Variants in BABAM2 observed in about 807,000 individuals in gnomAD.
The protein encoded by BABAM2 is BRISC and BRCA1 A complex member 2, also known as BRISC and BRCA1-A complex member 2.
Under a neutral mutation model 54.7 loss-of-function variants are expected in BABAM2, and 31 were observed. That is an observed-to-expected ratio of 0.57 (90% CI 0.43 to 0.77). BABAM2 has a LOEUF of 0.77. Ranked by LOEUF, BABAM2 falls within the 30% of genes least tolerant of loss-of-function variation. The pLI, the probability that BABAM2 is intolerant of heterozygous loss-of-function variation, is 0.00. For synonymous variants in BABAM2, 167 were observed against 162.9 expected (o/e 1.03, Z -0.19); for missense variants, 364 against 455.8 (o/e 0.80, Z 1.83).
At chr2:28,026,904 A>C (rs1675831703) in intron 5 of BABAM2, among the ~76,000 whole-genome samples, 1 of 53,184 alleles carries the variant, frequency 1.9e-5, no homozygotes. Flanking sequence ...ATAAATATAT[A>C]TAAATATATA....
chr2:28,328,470 G>A, intron 11 of BABAM2, among the ~76,000 whole-genome samples: 1 of 152,118 alleles, frequency 6.6e-6, no homozygotes, highest in Non-Finnish European at 1.5e-5. Flanking sequence ...CTGTGTCCCT[G>A]AACCACTTCT....
intron 2 of BABAM2, among the ~76,000 whole-genome samples, chr2:27,908,649 G>A (rs1284690889): frequency 6.6e-6 from 1 of 152,018 alleles, no homozygotes; most frequent in Non-Finnish European, 1.5e-5. Flanking sequence ...TTGTTCCCAT[G>A]TTTAGGTCCA....
chr2:28,194,651 G>A (rs7572598), intron 7 of BABAM2, among the ~76,000 whole-genome samples: 31,749 of 136,024 alleles, frequency 0.23, 3,638 homozygotes, highest in South Asian at 0.42. Flanking sequence ...GCACGATCTC[G>A]GCTCATTGCA....
Position 28,254,444 on chromosome 2 carries a change from ATTG to A in BABAM2, c.934+9588_934+9590del, listed in dbSNP as rs137877527. Among the ~76,000 whole-genome samples the A allele has an allele frequency of 9.1e-3, 1,383 of 151,604 alleles. 14 individuals carry two copies. Among genetic ancestry groups the A allele is most frequent in the African/African-American group, 0.032 (1,317 of 41,306 alleles). ...GAGCCGCCACGCCCATGCCCAGCCC[ATTG>A]TTGTTTTTTTTAACTGAATAAATCC... On this transcript the variant is annotated intron_variant, in intron 10 of 11. Coordinates refer to ENST00000379624, the MANE Select transcript of BABAM2 (RefSeq NM_199191.3).
intron 6 of BABAM2, among the ~76,000 whole-genome samples, chr2:28,055,482 C>G (rs1002692300): frequency 3.3e-5 from 5 of 152,226 alleles, no homozygotes; most frequent in South Asian, 4.2e-4. Flanking sequence ...TTAATTTTTC[C>G]TCTCTTCTGA....
intron 2 of BABAM2, among the ~76,000 whole-genome samples, chr2:27,925,120 C>T (rs1274883162): frequency 6.6e-6 from 1 of 152,098 alleles, no homozygotes; most frequent in Non-Finnish European, 1.5e-5. Context: ...ACTCTTCATA[C>T]CCCTGTCCCC....
At chr2:28,103,278 G>A (rs1667237051) in intron 6 of BABAM2, among the ~76,000 whole-genome samples, 1 of 148,434 alleles carries the variant, frequency 6.7e-6, no homozygotes, top group Non-Finnish European at 1.5e-5. Context: ...GCTGAGTTGA[G>A]AGAATTCATT....
At chr2:28,280,335 A>C (rs1386083039) in intron 10 of BABAM2, among the ~76,000 whole-genome samples, 2 of 152,084 alleles carry the variant, frequency 1.3e-5, no homozygotes, top group Non-Finnish European at 1.5e-5. Context: ...CTGGGATTAC[A>C]GGTGTGAGCC....
intron 6 of BABAM2, among the ~76,000 whole-genome samples, chr2:28,112,151 C>CCTCCT (rs1668133183): frequency 5.1e-5 from 1 of 19,606 alleles, no homozygotes; most frequent in Non-Finnish European, 8.8e-5. Flanking sequence ...CTTTCTTTAC[C>CCTCCT]TCCCTCCCTC....
chr2:28,336,189 G>A (rs946816907), intron 11 of BABAM2, among the ~76,000 whole-genome samples: 3 of 152,146 alleles, frequency 2.0e-5, no homozygotes, highest in Non-Finnish European at 2.9e-5. Context: ...CAGTGCCATC[G>A]AAAGATAAGA....
intron 10 of BABAM2, among the ~76,000 whole-genome samples, chr2:28,250,716 C>T (rs1683393617): frequency 6.6e-6 from 1 of 152,040 alleles, no homozygotes; most frequent in African/African-American, 2.4e-5. Context: ...TCTCCTGCCT[C>T]AGCCTCCTGA....
At chr2:28,026,843 A>ATATATATTTATATATATATAGAT (rs1675759919) in intron 5 of BABAM2, among the ~76,000 whole-genome samples, 1 of 40,650 alleles carries the variant, frequency 2.5e-5, no homozygotes, top group Non-Finnish European at 4.7e-5. Context: ...AATATATATA[A>ATATATATTTATATATATATAGAT]ATATATATTT....
chr2:28,087,987 AGTTTAATCT>A (rs1361578441), intron 6 of BABAM2, among the ~76,000 whole-genome samples: 42 of 152,118 alleles, frequency 2.8e-4, no homozygotes, highest in African/African-American at 9.4e-4. Context: ...TGCTTTCGGT[AGTTTAATCT>A]GTCATCTCAA....
At chr2:28,135,575 A>G (rs1343217052) in intron 7 of BABAM2, among the ~76,000 whole-genome samples, 1 of 152,158 alleles carries the variant, frequency 6.6e-6, no homozygotes, top group African/African-American at 2.4e-5. Flanking sequence ...CACTAGATAG[A>G]CATGTCTATC....
At position 28,227,021 on chromosome 2, in the gene BABAM2, A is replaced by C. The variant is rs1369149465; in HGVS notation, c.681-10181A>C. On this transcript the variant is annotated intron_variant, in intron 7 of 11. Coordinates refer to ENST00000379624, the MANE Select transcript of BABAM2 (RefSeq NM_199191.3). ...GGCAGGGTTGCTTGTGAGCAGGTTG[A>C]GTTACAAGTTCTGAGTTCAAGAAAG... Among the ~76,000 whole-genome samples, 4 of 152,026 alleles carry C rather than the reference A, an allele frequency of 2.6e-5. No homozygotes were observed. The East Asian group carries it at 7.7e-4, about 29-fold the overall frequency.
upstream of BABAM2, chr2:27,890,525 T>C (rs1573091551): frequency 1.6e-6 from 1 of 613,622 alleles, no homozygotes; most frequent in East Asian, 2.8e-5. This position sits in a 1 kb window ranked among gnomAD's most constrained non-coding sequence, Gnocchi z 4.8. Context: ...CTTCCTGGAA[T>C]AGTCTCGGTG....
At chr2:28,101,720 A>T (rs1241698286) in intron 6 of BABAM2, among the ~76,000 whole-genome samples, 1 of 152,184 alleles carries the variant, frequency 6.6e-6, no homozygotes, top group East Asian at 1.9e-4. Context: ...TTCATAATGT[A>T]TTAGTACATA....
chr2:28,308,948 G>A (rs890970503), intron 11 of BABAM2: 2 of 152,254 alleles, frequency 1.3e-5, no homozygotes, highest in African/African-American at 4.8e-5. Context: ...TTTCTGTGTT[G>A]CTAATTTTAA....
chr2:28,100,113 T>G (rs1055904780), intron 6 of BABAM2, among the ~76,000 whole-genome samples: 2 of 152,190 alleles, frequency 1.3e-5, no homozygotes, highest in East Asian at 3.8e-4. Flanking sequence ...GATAGATTTT[T>G]AATTGTTTTG....
Sources: allele counts gnomAD v4.1 joint callset (sites outside exome capture counted in the v4.1 genomes callset), GRCh38; gene constraint gnomAD v4.1.1; non-coding constraint Gnocchi (gnomAD v3.1); transcripts MANE v1.5; gene names NCBI Gene and HGNC (gene_info 2026-07-23, HGNC 2026-07-21).